Variants in CELF6 observed in about 807,000 individuals in gnomAD.
The protein encoded by CELF6 is Bruno -like 6, RNA binding protein.
A neutral mutation model predicts 53.1 loss-of-function variants in CELF6; 32 were observed. That is an observed-to-expected ratio of 0.60 (90% CI 0.46 to 0.81). The LOEUF is 0.81. CELF6 is among the 30% of genes least tolerant of loss of function. The probability of loss-of-function intolerance (pLI) is 0.00; values close to 1 mark genes in which losing one functional copy is unlikely to be tolerated. For synonymous variants in CELF6, 291 were observed against 288.8 expected (o/e 1.01, Z -0.08); for missense variants, 539 against 669.5 (o/e 0.81, Z 2.15).
intron 1 of CELF6, among the ~76,000 whole-genome samples, chr15:72,317,959 C>G (rs902577515): frequency 7.2e-5 from 11 of 151,914 alleles, no homozygotes; most frequent in African/African-American, 2.7e-4. Flanking sequence ...AGAATTAGAG[C>G]TAAATGAAAA....
chr15:72,310,546 CT>C (rs11400175), intron 2 of CELF6, among the ~76,000 whole-genome samples: 190 of 138,292 alleles, frequency 1.4e-3, no homozygotes, highest in African/African-American at 3.6e-3. Context: ...CCAGAGTAAT[CT>C]TTTTTTTTTT....
intron 3 of CELF6, among the ~76,000 whole-genome samples, chr15:72,293,387 G>C (rs1567279159): frequency 6.6e-6 from 1 of 152,204 alleles, no homozygotes; most frequent in Non-Finnish European, 1.5e-5. Flanking sequence ...CCTCCAAAGA[G>C]AGATGATGAT....
At chr15:72,287,112 G>T in intron 12 of CELF6, 125 bp downstream of exon 12, 1 of 819,534 alleles carries the variant, frequency 1.2e-6, no homozygotes, top group Non-Finnish European at 1.9e-6. Context: ...CTAGCTCCTG[G>T]CTCTTCTCTC....
At chr15:72,293,552 C>A (rs1387308091) in intron 3 of CELF6, among the ~76,000 whole-genome samples, 2 of 152,176 alleles carry the variant, frequency 1.3e-5, no homozygotes, top group African/African-American at 2.4e-5. Flanking sequence ...CAAACATGGA[C>A]GCTCAACCTT....
At chr15:72,305,822 T>G (rs1321282237) in intron 2 of CELF6, among the ~76,000 whole-genome samples, 1 of 151,246 alleles carries the variant, frequency 6.6e-6, no homozygotes, top group Admixed American at 6.6e-5. Context: ...CACGGGCGCC[T>G]TCACTCAACA....
intron 1 of CELF6, 100 bp from the exon 2 acceptor site, chr15:72,316,027 T>A: frequency 1.3e-6 from 1 of 754,434 alleles, no homozygotes; most frequent in Non-Finnish European, 2.2e-6. Flanking sequence ...CACTCTCCTT[T>A]AAGCAAGGAC....
intron 11 of CELF6, 142 bp from the exon 12 acceptor site, chr15:72,287,534 G>A (rs2087938479): frequency 1.1e-6 from 1 of 902,508 alleles, no homozygotes; most frequent in Non-Finnish European, 1.7e-6. Context: ...TGGATACAGA[G>A]TCATAGGCAG....
chr15:72,311,211 G>C (rs1015407127), intron 2 of CELF6, among the ~76,000 whole-genome samples: 1 of 151,292 alleles, frequency 6.6e-6, no homozygotes. Flanking sequence ...ATGTTGGCCA[G>C]GCTGGTCTCA....
chr15:72,289,589 C>A lies in CELF6; in HGVS notation c.747+38G>T. ...CTCTCAGCCCCAGGCCTGGCCCACC[C>A]ACCTGCGCGCCCTCGCACGCAGGTG... is the stretch of plus-strand genomic sequence containing the variant. On this transcript the variant is annotated intron_variant, in intron 6 of 12. Transcript: ENST00000287202. This position sits in a 1 kb window ranked among gnomAD's most constrained non-coding sequence, Gnocchi z 7.6. The A allele has an allele frequency of 6.8e-7, 1 of 1,475,790 alleles. No homozygotes were observed. Among genetic ancestry groups the A allele is most frequent in the South Asian group, 1.3e-5 (1 of 75,974 alleles). The allele number at this position is 1,475,790 out of a possible 1,614,324, so 91.4% of individuals were successfully genotyped here.
At position 72,290,140 on chromosome 15, in the gene CELF6, G is replaced by A. The variant is rs1482176860; in HGVS notation, c.510C>T (p.Asp170=). ...AGCTCAGGTCACCTTTACTGGTGCCGTCAGGACTCCGCAGGACCGTGCACT... is the reference window on the plus strand; with the variant it reads ...AGCTCAGGTCACCTTTACTGGTGCCATCAGGACTCCGCAGGACCGTGCACT... ...IEECTVLRSP[D]GTSKGCAFVK... Residue 170 remains aspartate, a synonymous_variant, in exon 4 of 13, where the codon GAC becomes GAT. Transcript: ENST00000287202. The A allele has an allele frequency of 6.2e-7, 1 of 1,613,946 alleles. No homozygotes were observed. The highest frequency in any genetic ancestry group is 1.7e-5 in the Admixed American group (1 of 60,014).
Position 72,289,108 on chromosome 15 carries a change from G to T in CELF6, c.1030+30C>A. ...CACCCCCCGCTCCCCACTCCATTTC[G>T]GGGGGATTTGGGCGGAGCGGGGGGC... On this transcript the variant is annotated intron_variant, in intron 8 of 12. Coordinates refer to ENST00000287202, the MANE Select transcript of CELF6 (RefSeq NM_052840.5). The surrounding 1 kb of genome is among the most constrained non-coding windows in gnomAD (Gnocchi z 7.6). The T allele has an allele frequency of 6.8e-7, 1 of 1,477,240 alleles. No individual in the cohort carries two copies. 91.5% of individuals were successfully genotyped at this position (1,477,240 alleles called of 1,614,324 possible). A position where few individuals can be genotyped will look rare whatever the true frequency, so the allele number is the denominator to read the frequency against.
At chr15:72,296,088 C>T (rs2088074436) in intron 3 of CELF6, among the ~76,000 whole-genome samples, 1 of 152,068 alleles carries the variant, frequency 6.6e-6, no homozygotes, top group Admixed American at 6.5e-5. Context: ...TACATATGGT[C>T]AAATGATTTT....
intron 2 of CELF6, chr15:72,313,634 C>T (rs572308894): frequency 3.1e-6 from 1 of 324,906 alleles, no homozygotes; most frequent in African/African-American, 2.2e-5. Context: ...GTGGGCCTCC[C>T]CCACAGTGCC....
intron 3 of CELF6, among the ~76,000 whole-genome samples, chr15:72,301,690 T>C (rs1357917046): frequency 1.3e-5 from 2 of 152,038 alleles, no homozygotes; most frequent in East Asian, 3.9e-4. Context: ...TGTTGCCAAA[T>C]GTTACATTTT....
intron 2 of CELF6, among the ~76,000 whole-genome samples, chr15:72,314,827 T>C (rs561084646): frequency 6.6e-6 from 1 of 152,204 alleles, no homozygotes; most frequent in South Asian, 2.1e-4. Flanking sequence ...ACTCCTGACC[T>C]CAGGTGATCT....
In CELF6 at chr15:72,319,528, G is replaced by A; in HGVS notation, c.262+85C>T. The stretch of plus-strand genomic sequence containing the variant: ...TGGACTGGTGTTGGACTGGCTCTCG[G>A]CAGGGCTAGGGCTGGGGCTGGGCTG... On this transcript the variant is annotated intron_variant, in intron 1 of 12. Transcript: ENST00000287202. The surrounding 1 kb of genome is among the most constrained non-coding windows in gnomAD (Gnocchi z 5.0). 1 of 1,427,306 alleles carries A rather than the reference G, an allele frequency of 7.0e-7. No homozygotes were observed. Among genetic ancestry groups the A allele is most frequent in the African/African-American group, 1.4e-5 (1 of 70,018 alleles). The allele number at this position is 1,427,306 out of a possible 1,614,324, so 88.4% of individuals were successfully genotyped here.
chr15:72,304,358 G>A (rs551153478), intron 3 of CELF6, among the ~76,000 whole-genome samples: 2 of 152,264 alleles, frequency 1.3e-5, no homozygotes, highest in South Asian at 4.2e-4. Flanking sequence ...AACGGACTGT[G>A]TTTTCTGATA....
chr15:72,307,867 TG>T (rs1337590890), intron 2 of CELF6, among the ~76,000 whole-genome samples: 1 of 152,176 alleles, frequency 6.6e-6, no homozygotes, highest in East Asian at 1.9e-4. Context: ...CTTGCAGGAC[TG>T]GGGTCATTGG....
intron 3 of CELF6, 127 bp downstream of exon 3, chr15:72,304,619 T>TTG: frequency 2.5e-6 from 2 of 808,062 alleles, no homozygotes; most frequent in Non-Finnish European, 4.2e-6. Flanking sequence ...GCTCAGCAAC[T>TTG]CTGAGCCCCA....
Sources: gnomAD v4.1 joint callset for allele counts (sites outside exome capture counted in the v4.1 genomes callset) on GRCh38, gnomAD v4.1.1 for gene constraint, Gnocchi (gnomAD v3.1) non-coding constraint, MANE v1.5 for transcripts, NCBI Gene and HGNC (gene_info 2026-07-23, HGNC 2026-07-21) for gene names.